The following TTLL11 variants were observed in gnomAD, a reference collection of about 807,000 sequenced individuals.
TTLL11 encodes tubulin polyglutamylase TTLL11.
TTLL11 carries 42 observed loss-of-function variants against 51.7 expected under a neutral mutation model. The ratio of observed to expected loss-of-function variants is 0.81; its 90% CI spans 0.64 to 1.05. The LOEUF (loss-of-function observed/expected upper bound fraction) is 1.05, where lower values mean the gene tolerates loss of function less well. TTLL11 is among the 50% of genes least tolerant of loss of function. The pLI, the probability that TTLL11 is intolerant of heterozygous loss-of-function variation, is 0.00. For synonymous variants in TTLL11, 381 were observed against 383.5 expected (o/e 0.99, Z 0.08); for missense variants, 799 against 940.4 (o/e 0.85, Z 1.97).
intron 6 of TTLL11, among the ~76,000 whole-genome samples, chr9:121,946,330 A>C (rs1263101712): frequency 2.0e-5 from 3 of 152,098 alleles, no homozygotes; most frequent in African/African-American, 7.2e-5. Flanking sequence ...GAATCCCAGA[A>C]TCCTTTGCTC....
At chr9:121,841,602 C>T (rs1433174955) in intron 8 of TTLL11, among the ~76,000 whole-genome samples, 1 of 152,146 alleles carries the variant, frequency 6.6e-6, no homozygotes, top group African/African-American at 2.4e-5. Flanking sequence ...CTTGGGGCCT[C>T]CCGGGCTGAG....
In TTLL11 at chr9:121,818,860, T is replaced by A. The variant is rs893090258; in HGVS notation, c.*3727A>T. On this transcript the variant is annotated 3_prime_UTR_variant, in exon 9 of 9. Coordinates refer to ENST00000321582, the MANE Select transcript of TTLL11 (RefSeq NM_001139442.2). ...AGGTGCAGGGGTCAGGTGCGGGCCT[T>A]AGGATGGAAAGAAGGGAAGGGTGCC... The A allele has an allele frequency of 6.6e-6, 1 of 152,598 alleles. No homozygotes were observed. The highest frequency in any genetic ancestry group is 1.9e-4 in the East Asian group (1 of 5,190). 9.5% of individuals were successfully genotyped at this position (152,598 alleles called of 1,614,324 possible).
intron 6 of TTLL11, among the ~76,000 whole-genome samples, chr9:121,930,390 C>A (rs942157458): frequency 2.0e-5 from 3 of 152,324 alleles, no homozygotes; most frequent in Admixed American, 2.0e-4. Context: ...AAGGGAGTAG[C>A]CCCAAATCAT....
intron 7 of TTLL11, among the ~76,000 whole-genome samples, chr9:121,861,231 G>A (rs1015520380): frequency 1.3e-5 from 2 of 152,022 alleles, no homozygotes; most frequent in Non-Finnish European, 2.9e-5. Flanking sequence ...TGGGATTACA[G>A]GTACCCAGCT....
At chr9:121,957,105 C>T (rs907665103) in intron 6 of TTLL11, among the ~76,000 whole-genome samples, 10 of 152,226 alleles carry the variant, frequency 6.6e-5, no homozygotes, top group African/African-American at 2.4e-4. Flanking sequence ...ATCCTCGACT[C>T]CATGGCTAAG....
At chr9:122,056,275 A>G (rs1410125063) in intron 1 of TTLL11, among the ~76,000 whole-genome samples, 9 of 152,220 alleles carry the variant, frequency 5.9e-5, no homozygotes, top group Non-Finnish European at 1.3e-4. Context: ...AAGAGACTCG[A>G]GTCATACAAT....
At chr9:122,030,967 AAT>A (rs1442333415) in intron 3 of TTLL11, among the ~76,000 whole-genome samples, 1 of 151,916 alleles carries the variant, frequency 6.6e-6, no homozygotes, top group Non-Finnish European at 1.5e-5. Flanking sequence ...AAATAAATAA[AAT>A]ATGTTAAACT....
In TTLL11 at chr9:122,084,967, C is replaced by T. The variant is rs147354373; in HGVS notation, c.462+7720G>A. ...GCGATGTACATAATTAACATACCAA[C>T]GTATGAGACAGGCCAGGCGCGGTGG... On this transcript the variant is annotated intron_variant, in intron 1 of 8. Transcript: ENST00000321582. 4.4e-3 allele frequency among the ~76,000 whole-genome samples: 664 copies of T among 152,246 alleles called. 4 individuals carry two copies. The highest frequency in any genetic ancestry group is 0.015 in the African/African-American group (631 of 41,534).
intron 6 of TTLL11, among the ~76,000 whole-genome samples, chr9:121,928,462 G>A (rs1840829528): frequency 7.2e-6 from 1 of 139,002 alleles, no homozygotes; most frequent in Non-Finnish European, 1.5e-5. Flanking sequence ...TTTTTTTTGA[G>A]ATAGAATCTC....
At chr9:122,090,057 C>A (rs1170292068) in intron 1 of TTLL11, among the ~76,000 whole-genome samples, 1 of 152,186 alleles carries the variant, frequency 6.6e-6, no homozygotes, top group Non-Finnish European at 1.5e-5. Context: ...GAAGCAGTTA[C>A]AGGTAGTGCC....
chr9:121,864,916 C>A (rs1343825481), intron 7 of TTLL11, among the ~76,000 whole-genome samples: 2 of 152,116 alleles, frequency 1.3e-5, no homozygotes, highest in Non-Finnish European at 2.9e-5. Context: ...TATAGAATTT[C>A]TTTTGTGTTC....
In TTLL11 at chr9:122,092,954, CG is replaced by C; in HGVS notation, c.194del (p.Pro65ArgfsTer79). On this transcript the variant is annotated frameshift_variant, in exon 1 of 9. Coordinates refer to ENST00000321582, the MANE Select transcript of TTLL11 (RefSeq NM_001139442.2). LOFTEE classifies it high-confidence loss of function. ...AGEEQPKVLAPAPAQPSAAEE... is the reference protein window; with the variant it reads ...AGEEQPKVLAXAPAQPSAAEE... ...CAGCCGCACTGGGCTGCGCCGGGGC[CG>C]GGGCCAGGACCTTGGGCTGCTCCTC... 2.5e-6 allele frequency: 4 copies of C among 1,579,030 alleles called. No individual in the cohort carries two copies. The highest frequency in any genetic ancestry group is 1.1e-5 in the South Asian group (1 of 87,384).
At chr9:121,904,045 C>T (rs186811731) in intron 6 of TTLL11, among the ~76,000 whole-genome samples, 72 of 152,292 alleles carry the variant, frequency 4.7e-4, no homozygotes, top group Middle Eastern at 6.8e-3. Flanking sequence ...ACATAAACCG[C>T]GTTAATTCCC....
chr9:121,953,419 G>T (rs1441619291), intron 6 of TTLL11, among the ~76,000 whole-genome samples: 1 of 151,962 alleles, frequency 6.6e-6, no homozygotes, highest in Non-Finnish European at 1.5e-5. Flanking sequence ...GATCACTTGA[G>T]GCCAGGAGTT....
intron 3 of TTLL11, among the ~76,000 whole-genome samples, chr9:121,994,402 G>A (rs749639286): frequency 3.9e-5 from 6 of 152,136 alleles, no homozygotes; most frequent in Admixed American, 3.3e-4. Context: ...ATTAGCACAC[G>A]CTTACTGAGC....
At chr9:121,919,507 G>A (rs960913531) in intron 6 of TTLL11, among the ~76,000 whole-genome samples, 5 of 152,168 alleles carry the variant, frequency 3.3e-5, no homozygotes, top group East Asian at 1.9e-4. Context: ...CAGTTGTTGC[G>A]GAGGTCCTGA....
chr9:121,866,744 C>T (rs1019140679), intron 7 of TTLL11, among the ~76,000 whole-genome samples: 5 of 151,924 alleles, frequency 3.3e-5, no homozygotes, highest in Admixed American at 2.6e-4. Flanking sequence ...TCCCTGCATT[C>T]TTAATTACTA....
At chr9:121,966,005 G>A (rs998084655) in intron 6 of TTLL11, among the ~76,000 whole-genome samples, 9 of 152,132 alleles carry the variant, frequency 5.9e-5, no homozygotes, top group Non-Finnish European at 1.2e-4. Context: ...TTCATCTATT[G>A]GCACCAAACA....
intron 6 of TTLL11, among the ~76,000 whole-genome samples, chr9:121,938,290 AAAAG>A (rs1841307239): frequency 6.6e-6 from 1 of 151,704 alleles, no homozygotes; most frequent in South Asian, 2.1e-4. Context: ...CGCTGTCTCA[AAAAG>A]AAAAAAAAAA....
Sources: gnomAD v4.1 joint callset for allele counts (sites outside exome capture counted in the v4.1 genomes callset) on GRCh38, gnomAD v4.1.1 for gene constraint, MANE v1.5 for transcripts, NCBI Gene and HGNC (gene_info 2026-07-23, HGNC 2026-07-21) for gene names.